Variants in VCAN observed in about 807,000 individuals in gnomAD.
The protein encoded by VCAN is versican core protein.
In VCAN, 44 loss-of-function variants were observed where a neutral mutation model predicts 245.5. The observed-to-expected ratio is 0.18, with a 90% CI of 0.14 to 0.23. VCAN has a LOEUF of 0.23. Ranked by LOEUF, VCAN falls within the 10% of genes least tolerant of loss-of-function variation. VCAN has a pLI of 1.00. For synonymous variants in VCAN, 1,413 were observed against 1,437.0 expected (o/e 0.98, Z 0.38); for missense variants, 3,793 against 4,057.9 (o/e 0.93, Z 1.77).
chr5:83,494,048 TG>T, intron 5 of VCAN, 117 bp downstream of exon 5: 1 of 1,523,422 alleles, frequency 6.6e-7, no homozygotes, highest in Non-Finnish European at 9.1e-7. Context: ...GGTGGCATTT[TG>T]TTTATACGAC....
rs1462442384 is a variant in VCAN, at chr5:83,519,806, A to G, written c.1500A>G (p.Thr500=). 1.2e-6 allele frequency: 2 copies of G among 1,614,182 alleles called. No individual in the cohort carries two copies. Among genetic ancestry groups the G allele is most frequent in the Admixed American group, 1.7e-5 (1 of 60,018 alleles). ...IEQIEVGPLV[T]SMEILKHIPS... ...AAATAGAAGTGGGTCCTTTGGTAACATCTATGGAAATCTTAAAGCACATTC... is the reference window on the plus strand; with the variant it reads ...AAATAGAAGTGGGTCCTTTGGTAACGTCTATGGAAATCTTAAAGCACATTC... The change falls in exon 7 of 15, where the codon ACA becomes ACG. Residue 500 remains threonine, a synonymous_variant. Coordinates refer to ENST00000265077, the MANE Select transcript of VCAN (RefSeq NM_004385.5).
chr5:83,580,000 G>A lies in VCAN; in HGVS notation c.9901G>A (p.Val3301Ile), dbSNP rs141523318. ...TTTAGTCGCTTGCGGCCAGCCCCCT[G>A]TTGTAGAAAATGCCAAGACCTTTGG... Reference protein sequence around the residue: ...KGTVACGQPPVVENAKTFGKM... With the variant: ...KGTVACGQPPIVENAKTFGKM... Residue 3301 changes from valine to isoleucine, a missense_variant, in exon 14 of 15, where the codon GTT becomes ATT. Physicochemically the swap from Val to Ile is conservative, Grantham distance 29 (BLOSUM62 3). This residue lies in a region of VCAN where 205 missense variants were observed against 321.1 expected (regional missense o/e 0.64). Transcript: ENST00000265077. 11 of 1,613,934 alleles carry A rather than the reference G, an allele frequency of 6.8e-6. No individual in the cohort carries two copies. Among genetic ancestry groups the A allele is most frequent in the African/African-American group, 2.7e-5 (2 of 74,910 alleles).
intron 2 of VCAN, among the ~76,000 whole-genome samples, chr5:83,489,132 A>G (rs758486226): frequency 6.7e-6 from 1 of 149,496 alleles, no homozygotes; most frequent in African/African-American, 2.5e-5. Flanking sequence ...TGGTTAAAAA[A>G]TCATTATTTC....
At chr5:83,533,197 CAT>C (rs1746584554) in intron 7 of VCAN, among the ~76,000 whole-genome samples, 1 of 152,096 alleles carries the variant, frequency 6.6e-6, no homozygotes, top group Non-Finnish European at 1.5e-5. Context: ...TGATGAGAAA[CAT>C]AAGATGAAAC....
intron 6 of VCAN, chr5:83,512,611 G>A: frequency 1.7e-6 from 1 of 584,050 alleles, no homozygotes; most frequent in South Asian, 2.1e-5. Context: ...AGAGGGGTGA[G>A]GAAATATCAG....
At position 83,539,472 on chromosome 5, in the gene VCAN, G is replaced by C; in HGVS notation, c.6469G>C (p.Val2157Leu). ...ETELKTTDYS[V>L]LTTKKTYSDD... ...TGAACTCAAAACCACAGATTATTCT[G>C]TACTAACAACAAAGAAAACTTACAG... The change falls in exon 8 of 15, where the codon GTA (valine) becomes CTA (leucine). Residue 2157 changes from valine to leucine, a missense_variant. Val to Leu is a conservative substitution (Grantham distance 32, BLOSUM62 1). Transcript: ENST00000265077. 1 of 1,613,702 alleles carries C rather than the reference G, an allele frequency of 6.2e-7. No individual in the cohort carries two copies. The highest frequency in any genetic ancestry group is 2.2e-5 in the East Asian group (1 of 44,812).
At chr5:83,505,462 ATCT>A in intron 5 of VCAN, among the ~76,000 whole-genome samples, 1 of 152,144 alleles carries the variant, frequency 6.6e-6, no homozygotes, top group Admixed American at 6.5e-5. Flanking sequence ...CTCCAAAATG[ATCT>A]CCTTTGACTG....
rs1746117863 is a variant in VCAN at position 83,521,854 on chromosome 5, G to T, written c.3548G>T (p.Gly1183Val). 6.2e-7 allele frequency: 1 copy of T among 1,613,972 alleles called. No individual in the cohort carries two copies. The highest frequency in any genetic ancestry group is 1.7e-5 in the Admixed American group (1 of 59,994). ...CTAGAGGATATTGATTTAGGCTCAG[G>T]ATTATTTGAAAAGCCCAAAGCCACA... ...TSLEDIDLGSGLFEKPKATEL... is the reference protein window; with the variant it reads ...TSLEDIDLGSVLFEKPKATEL... Residue 1183 changes from glycine (G) to valine (V), a missense_variant, in exon 7 of 15, where the codon GGA becomes GTA. By Grantham distance (109) the Gly-to-Val change is moderately radical. Around this residue, in one of 5 missense-constraint regions of VCAN, gnomAD observed 3,182 missense variants for 3,250.3 expected, o/e 0.98. Transcript: ENST00000265077.
chr5:83,521,745 A>G lies in VCAN; in HGVS notation c.3439A>G (p.Thr1147Ala), dbSNP rs1746111326. ...EQKYETEGSSTTGFTSSLSPF... is the reference protein window; with the variant it reads ...EQKYETEGSSATGFTSSLSPF... ...AAAATATGAAACAGAAGGTAGTAGTACAACAGGATTTACATCATCTTTGAG... is the reference window on the plus strand; with the variant it reads ...AAAATATGAAACAGAAGGTAGTAGTGCAACAGGATTTACATCATCTTTGAG... Residue 1147 changes from threonine to alanine, a missense_variant, in exon 7 of 15, where the codon ACA becomes GCA. By Grantham distance (58) the Thr-to-Ala change is moderately conservative. This residue lies in a region of VCAN where 3,182 missense variants were observed against 3,250.3 expected (regional missense o/e 0.98). Coordinates refer to ENST00000265077, the MANE Select transcript of VCAN (RefSeq NM_004385.5). The G allele has an allele frequency of 1.9e-6, 3 of 1,614,216 alleles. No individual in the cohort carries two copies. Among genetic ancestry groups the G allele is most frequent in the Non-Finnish European group, 1.7e-6 (2 of 1,180,026 alleles).
rs1233521831 is a variant in VCAN, at chr5:83,580,036, C to T, written c.9937C>T (p.Pro3313Ser). 3 of 1,614,104 alleles carry T rather than the reference C, an allele frequency of 1.9e-6. No individual in the cohort carries two copies. The highest frequency in any genetic ancestry group is 1.7e-4 in the Middle Eastern group (1 of 6,060). Reference sequence around the variant, plus strand: ...TGCCAAGACCTTTGGAAAGATGAAACCTCGTTATGAAATCAACTCCCTGAT... The same window carrying T: ...TGCCAAGACCTTTGGAAAGATGAAATCTCGTTATGAAATCAACTCCCTGAT... ...ENAKTFGKMK[P>S]RYEINSLIRY... Residue 3313 changes from proline (P) to serine (S), a missense_variant, in exon 14 of 15, where the codon CCT becomes TCT. By Grantham distance (74) the Pro-to-Ser change is moderately conservative (BLOSUM62 -1). Coordinates refer to ENST00000265077, the MANE Select transcript of VCAN (RefSeq NM_004385.5).
At chr5:83,552,326 T>A (rs767637046) in intron 10 of VCAN, among the ~76,000 whole-genome samples, 2 of 152,206 alleles carry the variant, frequency 1.3e-5, no homozygotes, top group Non-Finnish European at 2.9e-5. Flanking sequence ...GGGAGATACT[T>A]ACTAGGTCAT....
intron 1 of VCAN, among the ~76,000 whole-genome samples, chr5:83,480,134 C>T (rs1744562180): frequency 6.6e-6 from 1 of 152,158 alleles, no homozygotes; most frequent in African/African-American, 2.4e-5. Context: ...GTAACTTATT[C>T]AAACATATTT....
intron 7 of VCAN, among the ~76,000 whole-genome samples, chr5:83,524,902 G>A (rs2112418104): frequency 6.6e-6 from 1 of 152,196 alleles, no homozygotes; most frequent in South Asian, 2.1e-4. Context: ...TGGTGCATGT[G>A]TGAACTTGTA....
rs528122759 is a variant in VCAN, at chr5:83,492,604, A to G, written c.446-942A>G. 2.6e-5 allele frequency among the ~76,000 whole-genome samples: 4 copies of G among 152,248 alleles called. No individual in the cohort carries two copies. In the South Asian group the frequency reaches 8.3e-4, roughly 32 times the overall value. ...TGCTTGCTCTATCCTTATCCCTTTG[A>G]AAATTTCTTGAGCCCTGGAGCACAG... On this transcript the variant is annotated intron_variant, in intron 3 of 14. Transcript: ENST00000265077.
At chr5:83,519,262 A>G in intron 6 of VCAN, 87 bp from the exon 7 acceptor site, 1 of 1,424,592 alleles carries the variant, frequency 7.0e-7, no homozygotes. Flanking sequence ...ACTCCCTACA[A>G]AATACTCAGG....
intron 10 of VCAN, 23 bp downstream of exon 10, chr5:83,548,107 T>C (rs758654034): frequency 6.3e-6 from 10 of 1,576,044 alleles, no homozygotes; most frequent in Non-Finnish European, 5.2e-6. Context: ...GCAACATTTG[T>C]ATGATGAACA....
At chr5:83,500,557 T>C (rs1400890376) in intron 5 of VCAN, among the ~76,000 whole-genome samples, 2 of 152,206 alleles carry the variant, frequency 1.3e-5, no homozygotes, top group Non-Finnish European at 2.9e-5. Flanking sequence ...TTAAATCTTA[T>C]GAAACCTTTG....
intron 7 of VCAN, among the ~76,000 whole-genome samples, 198 bp downstream of exon 7, chr5:83,522,507 A>G (rs968917103): frequency 6.6e-6 from 1 of 152,234 alleles, no homozygotes; most frequent in African/African-American, 2.4e-5. Context: ...TGTTAGATAC[A>G]ATTTTATGTT....
chr5:83,529,424 A>G (rs1351384315), intron 7 of VCAN, among the ~76,000 whole-genome samples: 1 of 151,860 alleles, frequency 6.6e-6, no homozygotes, highest in Non-Finnish European at 1.5e-5. Flanking sequence ...TATAATAACT[A>G]TATAGCATTT....
Sources: gnomAD v4.1 joint callset for allele counts (sites outside exome capture counted in the v4.1 genomes callset) on GRCh38, gnomAD v4.1.1 for gene constraint, gnomAD v4.1.1 regional missense constraint, MANE v1.5 for transcripts, NCBI Gene and HGNC (gene_info 2026-07-23, HGNC 2026-07-21) for gene names.